Variants in WDR20 observed in about 807,000 individuals in gnomAD.
The protein encoded by WDR20 is WD repeat domain 20.
Under a neutral mutation model 38.7 loss-of-function variants are expected in WDR20, and 3 were observed. The ratio of observed to expected loss-of-function variants is 0.08; its 90% CI spans 0.04 to 0.20. The LOEUF (loss-of-function observed/expected upper bound fraction) is 0.20. Ranked by LOEUF, WDR20 falls within the 10% of genes least tolerant of loss-of-function variation. The pLI, the probability that WDR20 is intolerant of heterozygous loss-of-function variation, is 1.00. For synonymous variants in WDR20, 298 were observed against 285.6 expected (o/e 1.04, Z -0.44); for missense variants, 559 against 727.7 (o/e 0.77, Z 2.67).
chr14:102,184,787 T>C (rs894851975), intron 1 of WDR20, among the ~76,000 whole-genome samples: 4 of 152,218 alleles, frequency 2.6e-5, no homozygotes, highest in Non-Finnish European at 5.9e-5. Flanking sequence ...CTTATTGTCT[T>C]GCCTGCCTCC....
chr14:102,193,867 T>G (rs2058966425), intron 1 of WDR20, among the ~76,000 whole-genome samples: 1 of 151,310 alleles, frequency 6.6e-6, no homozygotes, highest in Non-Finnish European at 1.5e-5. Context: ...TTGTCTCCAC[T>G]GGAGATTTTC....
At chr14:102,143,751 G>T (rs987555487) in intron 1 of WDR20, among the ~76,000 whole-genome samples, 30 of 151,972 alleles carry the variant, frequency 2.0e-4, no homozygotes, top group African/African-American at 7.0e-4. Context: ...CATCATATTG[G>T]CCAGGCTGGT....
At chr14:102,172,666 A>AC (rs1272878261) in intron 1 of WDR20, among the ~76,000 whole-genome samples, 10 of 114,980 alleles carry the variant, frequency 8.7e-5, no homozygotes, top group South Asian at 2.9e-4. Context: ...CAGGGGGCTG[A>AC]CCCCCCCACC....
chr14:102,212,827 C>T (rs2062727377), downstream of WDR20: 12 of 1,337,574 alleles, frequency 9.0e-6, no homozygotes, highest in South Asian at 2.2e-4. Flanking sequence ...ATTTTTCAGT[C>T]TTTCAGCCTA....
At chr14:102,213,309 G>A, downstream of WDR20, 1 of 985,448 alleles carries the variant, frequency 1.0e-6, no homozygotes, top group Non-Finnish European at 1.2e-6. Context: ...AAAAGCAAAT[G>A]CATGTGCAGG....
intron 1 of WDR20, among the ~76,000 whole-genome samples, chr14:102,192,813 A>G (rs2058733637): frequency 1.3e-5 from 2 of 152,072 alleles, no homozygotes; most frequent in African/African-American, 4.8e-5. Flanking sequence ...AAAGTTCCCT[A>G]AGTGGTTGTT....
intron 2 of WDR20, chr14:102,198,359 C>T: frequency 3.7e-6 from 1 of 269,374 alleles, no homozygotes; most frequent in Non-Finnish European, 7.8e-6. Flanking sequence ...TTCAAGTGAT[C>T]CACCCACCTC....
intron 1 of WDR20, among the ~76,000 whole-genome samples, chr14:102,141,766 T>G (rs1190586): frequency 0.66 from 99,590 of 151,866 alleles, 36,161 homozygotes; most frequent in East Asian, 0.92. Flanking sequence ...TGTCTTGACA[T>G]TGATAATCAG....
At chr14:102,160,448 G>A (rs2058373815) in intron 1 of WDR20, among the ~76,000 whole-genome samples, 1 of 152,076 alleles carries the variant, frequency 6.6e-6, no homozygotes, top group Non-Finnish European at 1.5e-5. Flanking sequence ...TTTGAGCAGA[G>A]ATGGGAAGGA....
downstream of WDR20, among the ~76,000 whole-genome samples, chr14:102,224,036 G>GTTTT (rs1184725386): frequency 2.9e-5 from 4 of 139,440 alleles, 1 homozygote; most frequent in African/African-American, 8.1e-5. Flanking sequence ...GTTTACCTGA[G>GTTTT]ATTTTTTTTT....
intron 1 of WDR20, among the ~76,000 whole-genome samples, chr14:102,177,485 G>A (rs567551105): frequency 2.0e-5 from 3 of 152,144 alleles, no homozygotes; most frequent in African/African-American, 4.8e-5. Flanking sequence ...TACTAGCTAT[G>A]AGAAATATAG....
rs144964880 is a variant in WDR20 at position 102,154,444 on chromosome 14, C to G, written c.249+14272C>G. On this transcript the variant is annotated intron_variant, in intron 1 of 2. Coordinates refer to ENST00000342702, the MANE Select transcript of WDR20 (RefSeq NM_144574.4). ...GGGCACCAGTCCCATCCATGGGAGC[C>G]ACACCACCATGATCTAATCACCCAG... is the stretch of plus-strand genomic sequence containing the variant. Among the ~76,000 whole-genome samples the G allele has an allele frequency of 4.3e-3, 654 of 152,244 alleles. 7 individuals are homozygous for G. The highest frequency in any genetic ancestry group is 0.015 in the African/African-American group (625 of 41,550).
intron 1 of WDR20, among the ~76,000 whole-genome samples, chr14:102,166,360 T>C (rs1481964056): frequency 1.3e-5 from 2 of 152,202 alleles, no homozygotes; most frequent in African/African-American, 4.8e-5. Context: ...GGTGAGTCTT[T>C]CTTTGTAACC....
intron 1 of WDR20, among the ~76,000 whole-genome samples, chr14:102,189,066 T>A (rs748212753): frequency 6.7e-6 from 1 of 149,760 alleles, no homozygotes; most frequent in East Asian, 2.0e-4. Context: ...AAAAATTAGC[T>A]GGGCGTGGTG....
In WDR20 at chr14:102,208,409, T is replaced by C. The variant is rs1307419269; in HGVS notation, c.433-194T>C. Among the ~76,000 whole-genome samples, 1 of 152,226 alleles carries C rather than the reference T, an allele frequency of 6.6e-6. No homozygotes were observed. The highest frequency in any genetic ancestry group is 6.5e-5 in the Admixed American group (1 of 15,290). On this transcript the variant is annotated intron_variant, in intron 2 of 2. Transcript: ENST00000342702. This position sits in a 1 kb window ranked among gnomAD's most constrained non-coding sequence, Gnocchi z 5.6. ...GTGAAAGCCAGCAGCCTAACACCGA[T>C]TTTAGAAAGTAATTCTAAATTACCC...
downstream of WDR20, among the ~76,000 whole-genome samples, chr14:102,217,901 C>T (rs2063413645): frequency 6.6e-6 from 1 of 152,214 alleles, no homozygotes; most frequent in African/African-American, 2.4e-5. Context: ...CGTGTTCTCC[C>T]CAGGGTGAGA....
upstream of WDR20, chr14:102,139,663 C>G: frequency 1.5e-6 from 1 of 649,646 alleles, no homozygotes; most frequent in South Asian, 2.0e-5. Context: ...TGGGAAGCAG[C>G]CATGCCGCCC....
At chr14:102,147,823 C>T (rs1002430509) in intron 1 of WDR20, among the ~76,000 whole-genome samples, 9 of 152,294 alleles carry the variant, frequency 5.9e-5, no homozygotes, top group South Asian at 4.1e-4. Flanking sequence ...CTCTGCCTCC[C>T]GGGTTCAAGC....
At chr14:102,193,443 T>G (rs1484604577) in intron 1 of WDR20, 1 of 1,611,396 alleles carries the variant, frequency 6.2e-7, no homozygotes, top group South Asian at 1.1e-5. Flanking sequence ...ATGTATATAT[T>G]CTCTTATTTC....
Sources: gnomAD v4.1 joint callset for allele counts (sites outside exome capture counted in the v4.1 genomes callset) on GRCh38, gnomAD v4.1.1 for gene constraint, Gnocchi (gnomAD v3.1) non-coding constraint, MANE v1.5 for transcripts, NCBI Gene and HGNC (gene_info 2026-07-23, HGNC 2026-07-21) for gene names.